The following RRAS2 variants were observed in gnomAD, a reference collection of about 807,000 sequenced individuals.
The protein encoded by RRAS2 is RAS related 2, also known as ras-related protein R-Ras2.
In RRAS2, 7 loss-of-function variants were observed where a neutral mutation model predicts 27.6. The observed-to-expected ratio is 0.25, with a 90% confidence interval of 0.14 to 0.48. RRAS2 has a LOEUF of 0.48. Ranked by LOEUF, RRAS2 falls within the 20% of genes least tolerant of loss-of-function variation. The pLI, the probability that RRAS2 is intolerant of heterozygous loss-of-function variation, is 0.99. For synonymous variants in RRAS2, 86 were observed against 90.9 expected (o/e 0.95, Z 0.31); for missense variants, 178 against 256.2 (o/e 0.69, Z 2.08).
intron 4 of RRAS2, among the ~76,000 whole-genome samples, chr11:14,282,267 TG>T (rs1849560536): frequency 6.6e-6 from 1 of 152,118 alleles, no homozygotes; most frequent in Non-Finnish European, 1.5e-5. Context: ...TGGAGAAAAG[TG>T]TAAGTTTCAG....
chr11:14,356,867 A>T, intron 1 of RRAS2: 3 of 401,088 alleles, frequency 7.5e-6, no homozygotes, highest in Non-Finnish European at 4.8e-6. Flanking sequence ...GGCTCACTAC[A>T]ATCTCCGCCT....
At chr11:14,308,843 G>C (rs1195501492) in intron 1 of RRAS2, among the ~76,000 whole-genome samples, 1 of 152,160 alleles carries the variant, frequency 6.6e-6, no homozygotes, top group African/African-American at 2.4e-5. Context: ...ATGTATTTTA[G>C]AGGCAGTCAG....
In RRAS2 at chr11:14,278,378, C is replaced by G. The variant is rs1206816339; in HGVS notation, c.*959G>C. ...TGAACAGTGAGAATTAAATACTTAT[C>G]TTTACATATACACAAGGTATGCTAT... is the stretch of plus-strand genomic sequence containing the variant. On this transcript the variant is annotated 3_prime_UTR_variant, in exon 6 of 6. Transcript: ENST00000256196. The G allele has an allele frequency of 2.0e-5, 3 of 152,186 alleles. No individual in the cohort carries two copies. The highest frequency in any genetic ancestry group is 4.4e-5 in the Non-Finnish European group (3 of 68,016). 9.4% of individuals were successfully genotyped at this position (152,186 alleles called of 1,614,324 possible).
At chr11:14,346,678 T>C (rs1329405696) in intron 1 of RRAS2, among the ~76,000 whole-genome samples, 2 of 152,230 alleles carry the variant, frequency 1.3e-5, no homozygotes, top group Admixed American at 6.5e-5. Flanking sequence ...ATAGTAACTA[T>C]AGTTAATAAC....
intron 4 of RRAS2, among the ~76,000 whole-genome samples, chr11:14,288,544 A>G (rs182125911): frequency 2.3e-4 from 35 of 152,358 alleles, no homozygotes; most frequent in Non-Finnish European, 4.4e-4. Flanking sequence ...AGTACTTCCT[A>G]GAGGTTCCTC....
chr11:14,326,242 C>T (rs1207295485), intron 1 of RRAS2, among the ~76,000 whole-genome samples: 1 of 152,054 alleles, frequency 6.6e-6, no homozygotes, highest in African/African-American at 2.4e-5. Context: ...TTCACAAAAC[C>T]GGAAATAGTG....
chr11:14,352,447 T>G (rs1848975605), intron 1 of RRAS2, among the ~76,000 whole-genome samples: 1 of 152,144 alleles, frequency 6.6e-6, no homozygotes, highest in Non-Finnish European at 1.5e-5. Context: ...GCAAAAGAAA[T>G]AAATCTAAGG....
chr11:14,286,739 G>GATA (rs1554945091), intron 4 of RRAS2, among the ~76,000 whole-genome samples: 4 of 152,178 alleles, frequency 2.6e-5, no homozygotes, highest in Non-Finnish European at 4.4e-5. Flanking sequence ...GTTCTACATA[G>GATA]CACTGGTATA....
At chr11:14,315,880 T>G (rs977868089) in intron 1 of RRAS2, among the ~76,000 whole-genome samples, 2 of 152,130 alleles carry the variant, frequency 1.3e-5, no homozygotes, top group African/African-American at 4.8e-5. Flanking sequence ...TAAAATTAAA[T>G]CCACATTTTA....
chr11:14,347,703 C>T (rs781985774), intron 1 of RRAS2, among the ~76,000 whole-genome samples: 2 of 152,044 alleles, frequency 1.3e-5, no homozygotes, highest in African/African-American at 2.4e-5. Flanking sequence ...GTAGTGCCCG[C>T]GCTTTGGCAG....
chr11:14,333,619 T>C (rs1848526490), intron 1 of RRAS2, among the ~76,000 whole-genome samples: 1 of 151,996 alleles, frequency 6.6e-6, no homozygotes, highest in Non-Finnish European at 1.5e-5. Context: ...TCTGTTTTCA[T>C]TTTATAATCT....
chr11:14,306,845 T>C (rs1312146408), intron 1 of RRAS2, among the ~76,000 whole-genome samples: 1 of 148,440 alleles, frequency 6.7e-6, no homozygotes, highest in African/African-American at 2.5e-5. Context: ...TCATCAAATC[T>C]AAGATGACAC....
chr11:14,288,187 C>T (rs1554945342), intron 4 of RRAS2, among the ~76,000 whole-genome samples: 1 of 152,154 alleles, frequency 6.6e-6, no homozygotes, highest in African/African-American at 2.4e-5. Flanking sequence ...CCACGTTGTC[C>T]AGGCTGGTCT....
intron 1 of RRAS2, among the ~76,000 whole-genome samples, chr11:14,312,116 C>T (rs1262835035): frequency 2.6e-5 from 4 of 152,186 alleles, no homozygotes; most frequent in Non-Finnish European, 5.9e-5. Context: ...CCACCCACCT[C>T]GGCCTTCCAA....
At chr11:14,312,400 A>C (rs1847991684) in intron 1 of RRAS2, among the ~76,000 whole-genome samples, 1 of 152,166 alleles carries the variant, frequency 6.6e-6, no homozygotes, top group Admixed American at 6.5e-5. Flanking sequence ...AACCAGCATA[A>C]TTCAGGCACT....
At chr11:14,286,522 A>AT (rs1486449302) in intron 4 of RRAS2, among the ~76,000 whole-genome samples, 25 of 152,220 alleles carry the variant, frequency 1.6e-4, no homozygotes, top group African/African-American at 6.0e-4. Flanking sequence ...ATTGATTAGA[A>AT]TATGAATTAT....
At chr11:14,302,109 C>CACACACACAT (rs1415452446) in intron 1 of RRAS2, among the ~76,000 whole-genome samples, 19 of 138,908 alleles carry the variant, frequency 1.4e-4, no homozygotes, top group Non-Finnish European at 2.6e-4. Context: ...CACACACACA[C>CACACACACAT]ACCAAAAACC....
chr11:14,347,489 T>C (rs1848860576), intron 1 of RRAS2, among the ~76,000 whole-genome samples: 1 of 152,212 alleles, frequency 6.6e-6, no homozygotes, highest in African/African-American at 2.4e-5. Context: ...AATAAGACAC[T>C]ATTTTCTGAT....
At chr11:14,330,806 AAAGCTT>A (rs1224903586) in intron 1 of RRAS2, among the ~76,000 whole-genome samples, 6 of 152,254 alleles carry the variant, frequency 3.9e-5, no homozygotes, top group Non-Finnish European at 7.3e-5. Context: ...ATTTACACAT[AAAGCTT>A]ACATTTCAAG....
Sources: allele counts gnomAD v4.1 joint callset (sites outside exome capture counted in the v4.1 genomes callset), GRCh38; gene constraint gnomAD v4.1.1; transcripts MANE v1.5; gene names NCBI Gene and HGNC (gene_info 2026-07-23, HGNC 2026-07-21).